KPNA4: variants seen among roughly 807,000 people sequenced by gnomAD.
KPNA4 encodes importin subunit alpha-3.
Under a neutral mutation model 71.3 loss-of-function variants are expected in KPNA4, and 13 were observed. That is an observed-to-expected ratio of 0.18 (90% CI 0.12 to 0.29). The LOEUF (loss-of-function observed/expected upper bound fraction) is 0.29. Ranked by LOEUF, KPNA4 falls within the 10% of genes least tolerant of loss-of-function variation. KPNA4 has a pLI of 1.00. For missense variants in KPNA4, 334 were observed against 603.2 expected (o/e 0.55, Z 4.67); for synonymous variants, 189 against 195.2 (o/e 0.97, Z 0.26).
intron 14 of KPNA4, among the ~76,000 whole-genome samples, chr3:160,508,866 C>T (rs1316633311): frequency 6.6e-6 from 1 of 152,102 alleles, no homozygotes; most frequent in East Asian, 1.9e-4. Context: ...TGACAGCATC[C>T]AGTGGCTCAC....
intron 1 of KPNA4, among the ~76,000 whole-genome samples, chr3:160,555,369 C>T (rs1722115947): frequency 6.6e-6 from 1 of 152,148 alleles, no homozygotes; most frequent in Non-Finnish European, 1.5e-5. Flanking sequence ...TTCATCCATA[C>T]CGTTGCATGT....
rs1721053895 is a variant in KPNA4, at chr3:160,509,685, G to C, written c.1209+115C>G. 16 of 776,306 alleles carry C rather than the reference G, an allele frequency of 2.1e-5. 1 individual carries two copies. The South Asian group carries it at 2.5e-4, about 12-fold the overall frequency. The allele number at this position is 776,306 out of a possible 1,614,324, so 48.1% of individuals were successfully genotyped here. On this transcript the variant is annotated intron_variant, in intron 14 of 16. Transcript: ENST00000334256. The stretch of plus-strand genomic sequence containing the variant: ...GGCCTCGGGTGATCCTCCAGCCTTG[G>C]CCTCCCAGGGTGTTGCTATTATTTT...
intron 1 of KPNA4, among the ~76,000 whole-genome samples, chr3:160,562,060 A>G (rs1722255117): frequency 6.6e-6 from 1 of 152,142 alleles, no homozygotes; most frequent in Non-Finnish European, 1.5e-5. Context: ...TGTATTCTTC[A>G]TCATTTCTAA....
At chr3:160,519,206 T>G (rs1001404823) in intron 11 of KPNA4, among the ~76,000 whole-genome samples, 3 of 152,188 alleles carry the variant, frequency 2.0e-5, no homozygotes, top group Non-Finnish European at 4.4e-5. Flanking sequence ...TCCATGAACA[T>G]GAATGTCTTT....
intron 11 of KPNA4, among the ~76,000 whole-genome samples, chr3:160,521,469 T>C (rs1483094526): frequency 2.0e-5 from 3 of 152,120 alleles, no homozygotes; most frequent in Non-Finnish European, 2.9e-5. Context: ...CACATGATGG[T>C]GTGTGCCTGT....
chr3:160,526,224 G>C (rs1303850180), intron 8 of KPNA4, 117 bp from the exon 9 acceptor site: 2 of 679,112 alleles, frequency 2.9e-6, no homozygotes, highest in Non-Finnish European at 4.5e-6. Flanking sequence ...ACACTGTTCA[G>C]TTTTAGACAA....
At chr3:160,553,372 C>A (rs1722077812) in intron 1 of KPNA4, among the ~76,000 whole-genome samples, 1 of 152,122 alleles carries the variant, frequency 6.6e-6, no homozygotes, top group Admixed American at 6.5e-5. Flanking sequence ...TCAGCTTGGG[C>A]ACAGCTTATT....
At chr3:160,521,992 T>C in intron 10 of KPNA4, 82 bp from the exon 11 acceptor site, 2 of 1,190,950 alleles carry the variant, frequency 1.7e-6, no homozygotes, top group Non-Finnish European at 2.4e-6. Context: ...CATTCTAAAA[T>C]TGTTCAACTA....
At chr3:160,511,432 C>G (rs138445677) in intron 13 of KPNA4, among the ~76,000 whole-genome samples, 4 of 152,246 alleles carry the variant, frequency 2.6e-5, no homozygotes, top group African/African-American at 9.6e-5. Context: ...TATTTAACAA[C>G]AAACACTGGA....
chr3:160,534,826 T>C (rs1461764021), intron 5 of KPNA4, among the ~76,000 whole-genome samples: 1 of 151,434 alleles, frequency 6.6e-6, no homozygotes, highest in African/African-American at 2.4e-5. Context: ...GATGGAGTTA[T>C]GATTCTCCTG....
At chr3:160,539,810 A>G (rs773634592) in intron 1 of KPNA4, among the ~76,000 whole-genome samples, 2 of 152,098 alleles carry the variant, frequency 1.3e-5, no homozygotes, top group Non-Finnish European at 2.9e-5. Context: ...CACTTCATCT[A>G]AAGTAGGAGG....
intron 13 of KPNA4, 113 bp downstream of exon 13, chr3:160,513,964 T>C (rs1721152992): frequency 1.8e-6 from 1 of 548,812 alleles, no homozygotes; most frequent in Non-Finnish European, 2.9e-6. Context: ...ACTATATTTA[T>C]GCCACTGTAT....
In KPNA4 at chr3:160,565,512, C is replaced by T. The variant is rs909635909; in HGVS notation, c.-230G>A. The T allele has an allele frequency of 5.4e-5, 29 of 540,872 alleles. 1 individual carries two copies. The highest frequency in any genetic ancestry group is 4.9e-4 in the Middle Eastern group (1 of 2,048). 33.5% of individuals were successfully genotyped at this position (540,872 alleles called of 1,614,324 possible). A position where few individuals can be genotyped will look rare whatever the true frequency, so the allele number is the denominator to read the frequency against. ...GCTCCGGCAAAGACAACTGTGGGGC[C>T]GGGCGGCGGCAAGGCGACGGAATGT... is the stretch of plus-strand genomic sequence containing the variant. On this transcript the variant is annotated 5_prime_UTR_variant, in exon 1 of 17. Transcript: ENST00000334256.
intron 11 of KPNA4, among the ~76,000 whole-genome samples, 200 bp downstream of exon 11, chr3:160,521,579 G>T (rs1016636802): frequency 2.0e-5 from 3 of 152,024 alleles, no homozygotes; most frequent in Non-Finnish European, 2.9e-5. Context: ...CTCCAGCCTG[G>T]GTGACAGTGA....
intron 1 of KPNA4, among the ~76,000 whole-genome samples, chr3:160,549,250 G>A (rs1056583802): frequency 1.3e-5 from 2 of 152,008 alleles, no homozygotes; most frequent in Non-Finnish European, 2.9e-5. Context: ...CTTTTCACTC[G>A]ATTGTTTCCT....
intron 1 of KPNA4, among the ~76,000 whole-genome samples, chr3:160,555,472 G>T (rs1722118498): frequency 6.6e-6 from 1 of 152,130 alleles, no homozygotes; most frequent in Non-Finnish European, 1.5e-5. Flanking sequence ...AACTCTACAT[G>T]TAGTATGTTT....
At chr3:160,563,761 TAAG>T (rs1722288999) in intron 1 of KPNA4, among the ~76,000 whole-genome samples, 2 of 152,134 alleles carry the variant, frequency 1.3e-5, no homozygotes, top group Admixed American at 6.5e-5. Flanking sequence ...CATTGTTATT[TAAG>T]AAGCTCATTT....
chr3:160,515,658 A>C, intron 11 of KPNA4, 78 bp from the exon 12 acceptor site: 5 of 1,515,686 alleles, frequency 3.3e-6, no homozygotes, highest in Non-Finnish European at 4.5e-6. Context: ...TCTGTCGCCC[A>C]GGGTAGAGTG....
chr3:160,508,516 T>C (rs1262105103), intron 14 of KPNA4, among the ~76,000 whole-genome samples: 5 of 152,180 alleles, frequency 3.3e-5, no homozygotes. Context: ...ATATTAAACA[T>C]TTCTTTGCCA....
Sources: gnomAD v4.1 joint callset for allele counts (sites outside exome capture counted in the v4.1 genomes callset) on GRCh38, gnomAD v4.1.1 for gene constraint, MANE v1.5 for transcripts, NCBI Gene and HGNC (gene_info 2026-07-23, HGNC 2026-07-21) for gene names.